The following SMAD2 variants were observed in gnomAD, a reference collection of about 807,000 sequenced individuals.
SMAD2 encodes the protein MAD homolog 2.
SMAD2 carries 8 observed loss-of-function variants against 64.4 expected under a neutral mutation model. The observed-to-expected ratio is 0.12, with a 90% CI of 0.07 to 0.22. SMAD2 has a LOEUF of 0.22. SMAD2 is among the 10% of genes least tolerant of loss of function. The probability of loss-of-function intolerance (pLI) is 1.00; values close to 1 mark genes in which losing one functional copy is unlikely to be tolerated. For missense variants in SMAD2, 289 were observed against 561.2 expected, an observed-to-expected ratio of 0.51 and a Z score of 4.90; for synonymous variants, 203 against 195.8, an observed-to-expected ratio of 1.04 and a Z score of -0.31.
intron 1 of SMAD2, among the ~76,000 whole-genome samples, chr18:47,903,987 T>C (rs138657149): frequency 2.7e-4 from 40 of 148,130 alleles, no homozygotes; most frequent in African/African-American, 1.0e-3. Context: ...GAAGAGATAA[T>C]GGCCATAAAC....
At position 47,908,731 on chromosome 18, in the gene SMAD2, T is replaced by C. The variant is rs373538333; in HGVS notation, c.-53-11922A>G. Among the ~76,000 whole-genome samples, 27 of 152,342 alleles carry C rather than the reference T, an allele frequency of 1.8e-4. No homozygotes were observed. In the East Asian group the frequency reaches 4.6e-3, roughly 26 times the overall value. On this transcript the variant is annotated intron_variant, in intron 1 of 10. Coordinates refer to ENST00000262160, the MANE Select transcript of SMAD2 (RefSeq NM_005901.6). The stretch of plus-strand genomic sequence containing the variant: ...ATTTCATCGCCACCTCCTGTTGCTA[T>C]CACGGTGAGCGGAAGTGTTGCGAGT...
In SMAD2 at chr18:47,857,006, C is replaced by T. The variant is rs375486934; in HGVS notation, c.731-5679G>A. Among the ~76,000 whole-genome samples the T allele has an allele frequency of 1.2e-3, 185 of 151,536 alleles. 1 individual carries two copies. Among genetic ancestry groups the T allele is most frequent in the African/African-American group, 4.2e-3 (172 of 41,378 alleles). Reference sequence around the variant, plus strand: ...CCAAGTAGCTGGGACTACAGGCGCCCGCCACTACGCCCGGCTAATTTTTTG... The same window carrying T: ...CCAAGTAGCTGGGACTACAGGCGCCTGCCACTACGCCCGGCTAATTTTTTG... On this transcript the variant is annotated intron_variant, in intron 6 of 10. Coordinates refer to ENST00000262160, the MANE Select transcript of SMAD2 (RefSeq NM_005901.6).
chr18:47,848,796 C>T (rs1914788403), intron 7 of SMAD2, 109 bp from the exon 8 acceptor site: 10 of 761,326 alleles, frequency 1.3e-5, no homozygotes, highest in Non-Finnish European at 2.0e-5. Flanking sequence ...CCAGCCTGCA[C>T]TGGCAAAAGC....
intron 1 of SMAD2, among the ~76,000 whole-genome samples, chr18:47,930,054 A>G (rs896358514): frequency 6.6e-6 from 1 of 152,192 alleles, no homozygotes; most frequent in Admixed American, 6.5e-5. Flanking sequence ...CTCCTGAAAC[A>G]AGAGCTCTGG....
chr18:47,916,143 G>T (rs1029619965), intron 1 of SMAD2, among the ~76,000 whole-genome samples: 1 of 152,054 alleles, frequency 6.6e-6, no homozygotes, highest in Admixed American at 6.6e-5. Flanking sequence ...TTTTTGTTTT[G>T]AGTAAATACT....
rs1379360018 is a variant in SMAD2, at chr18:47,811,764, AAATTAAT to A, written c.*30056_*30062del. 8 of 152,208 alleles carry A rather than the reference AAATTAAT, an allele frequency of 5.3e-5. No homozygotes were observed. Among genetic ancestry groups the A allele is most frequent in the Non-Finnish European group, 5.9e-5 (4 of 68,050 alleles). 9.4% of individuals were successfully genotyped at this position (152,208 alleles called of 1,614,324 possible). ...ATGCATTTCAAGGAAAACAACTTAA[AAATTAAT>A]GAGCTCTCAGGAAAAGATGGCATCA... is the stretch of plus-strand genomic sequence containing the variant. On this transcript the variant is annotated 3_prime_UTR_variant, in exon 11 of 11. Transcript: ENST00000262160.
At chr18:47,914,332 C>T (rs1296623629) in intron 1 of SMAD2, among the ~76,000 whole-genome samples, 2 of 152,094 alleles carry the variant, frequency 1.3e-5, no homozygotes, top group Admixed American at 1.3e-4. Context: ...TCTTGCTGTG[C>T]CTCTAAATAT....
chr18:47,836,913 T>C lies in SMAD2; in HGVS notation c.*4914A>G, dbSNP rs957094877. The C allele has an allele frequency of 4.7e-6, 1 of 210,624 alleles. No homozygotes were observed. Among genetic ancestry groups the C allele is most frequent in the East Asian group, 7.1e-5 (1 of 14,102 alleles). 13.0% of individuals were successfully genotyped at this position (210,624 alleles called of 1,614,324 possible). The stretch of plus-strand genomic sequence containing the variant: ...GGTAATAAAAAATTGAAAAGGAAGA[T>C]ATAAAAAGAACTCAATAGCAGGATT... On this transcript the variant is annotated 3_prime_UTR_variant, in exon 11 of 11. Coordinates refer to ENST00000262160, the MANE Select transcript of SMAD2 (RefSeq NM_005901.6).
In SMAD2 at chr18:47,915,191, C is replaced by T. The variant is rs576455475; in HGVS notation, c.-54+15170G>A. Among the ~76,000 whole-genome samples the T allele has an allele frequency of 3.3e-5, 5 of 152,288 alleles. No homozygotes were observed. In the South Asian group the frequency reaches 1.0e-3, roughly 32 times the overall value. On this transcript the variant is annotated intron_variant, in intron 1 of 10. Transcript: ENST00000262160. ...CAGCTAAAGCCCCCTATGTATTCCT[C>T]TTTGATAACATTTCCCTCCCTCTTG...
At chr18:47,859,304 A>ATTTTAAAAAATC (rs2030981136) in intron 6 of SMAD2, among the ~76,000 whole-genome samples, 1 of 152,174 alleles carries the variant, frequency 6.6e-6, no homozygotes, top group African/African-American at 2.4e-5. Flanking sequence ...AATCATAAAG[A>ATTTTAAAAAATC]ATTAAGAAGA....
At chr18:47,842,304 G>A (rs1914033686) in intron 10 of SMAD2, among the ~76,000 whole-genome samples, 1 of 152,194 alleles carries the variant, frequency 6.6e-6, no homozygotes, top group African/African-American at 2.4e-5. Flanking sequence ...CACTTTGGGA[G>A]GCCGAGGCAG....
rs367795224 is a variant in SMAD2, at chr18:47,913,524, A to G, written c.-53-16715T>C. The stretch of plus-strand genomic sequence containing the variant: ...GCTGACATCTGTCTAATATCTCCGG[A>G]GAATTTTTAAATTATGTAATAAAAT... On this transcript the variant is annotated intron_variant, in intron 1 of 10. Transcript: ENST00000262160. Among the ~76,000 whole-genome samples the G allele has an allele frequency of 6.6e-5, 10 of 152,226 alleles. No homozygotes were observed. In the East Asian group the frequency reaches 1.7e-3, roughly 26 times the overall value.
intron 1 of SMAD2, among the ~76,000 whole-genome samples, chr18:47,914,955 TATTA>T (rs943083952): frequency 6.6e-6 from 1 of 152,192 alleles, no homozygotes; most frequent in African/African-American, 2.4e-5. Flanking sequence ...TCCATTTATT[TATTA>T]TCTATTGATA....
rs930640899 is a variant in SMAD2, at chr18:47,834,211, C to T, written c.*7616G>A. Reference sequence around the variant, plus strand: ...GAAGTAAGGATAAATCACAAGAACACCTAAGGTGGTCAGCTCCTTCTGGTG... The same window carrying T: ...GAAGTAAGGATAAATCACAAGAACATCTAAGGTGGTCAGCTCCTTCTGGTG... On this transcript the variant is annotated 3_prime_UTR_variant, in exon 11 of 11. Coordinates refer to ENST00000262160, the MANE Select transcript of SMAD2 (RefSeq NM_005901.6). 3 of 211,416 alleles carry T rather than the reference C, an allele frequency of 1.4e-5. No homozygotes were observed. Among genetic ancestry groups the T allele is most frequent in the African/African-American group, 4.5e-5 (2 of 44,070 alleles). The allele number at this position is 211,416 out of a possible 1,614,324, so 13.1% of individuals were successfully genotyped here. A position where few individuals can be genotyped will look rare whatever the true frequency, so the allele number is the denominator to read the frequency against.
At position 47,921,630 on chromosome 18, in the gene SMAD2, A is replaced by G. The variant is rs1022002575; in HGVS notation, c.-54+8731T>C. Among the ~76,000 whole-genome samples, 4 of 152,170 alleles carry G rather than the reference A, an allele frequency of 2.6e-5. No individual in the cohort carries two copies. The East Asian group carries it at 5.8e-4, about 22-fold the overall frequency. On this transcript the variant is annotated intron_variant, in intron 1 of 10. Coordinates refer to ENST00000262160, the MANE Select transcript of SMAD2 (RefSeq NM_005901.6). ...AAGCCCCAGATGTTTCAATGATACCAGAACACTTTTCATTTTTTAATTTTT... is the reference window on the plus strand; with the variant it reads ...AAGCCCCAGATGTTTCAATGATACCGGAACACTTTTCATTTTTTAATTTTT...
At position 47,823,795 on chromosome 18, in the gene SMAD2, G is replaced by C. The variant is rs1912654551; in HGVS notation, c.*18032C>G. 6.6e-6 allele frequency: 1 copy of C among 152,220 alleles called. No homozygotes were observed. Among genetic ancestry groups the C allele is most frequent in the Non-Finnish European group, 1.5e-5 (1 of 68,040 alleles). The allele number at this position is 152,220 out of a possible 1,614,324, so 9.4% of individuals were successfully genotyped here. ...CAAAACCATTATGCAAACTGGGATT[G>C]TCACATTACTATTAATTTTGTGTAT... is the stretch of plus-strand genomic sequence containing the variant. On this transcript the variant is annotated 3_prime_UTR_variant, in exon 11 of 11. Coordinates refer to ENST00000262160, the MANE Select transcript of SMAD2 (RefSeq NM_005901.6).
chr18:47,878,878 A>G (rs1039930235), intron 2 of SMAD2, among the ~76,000 whole-genome samples: 2 of 152,184 alleles, frequency 1.3e-5, no homozygotes, highest in African/African-American at 4.8e-5. Context: ...TCATGTATCT[A>G]CTTAACCTCT....
At chr18:47,906,379 A>C (rs546466189) in intron 1 of SMAD2, among the ~76,000 whole-genome samples, 2 of 152,356 alleles carry the variant, frequency 1.3e-5, no homozygotes, top group African/African-American at 4.8e-5. Flanking sequence ...AAATTTAAAA[A>C]TCACACAAAA....
chr18:47,921,938 G>C (rs2034577916), intron 1 of SMAD2, among the ~76,000 whole-genome samples: 1 of 152,196 alleles, frequency 6.6e-6, no homozygotes, highest in Non-Finnish European at 1.5e-5. Context: ...GATAAAGACA[G>C]TATAAACAAT....
Sources: gnomAD v4.1 joint callset for allele counts (sites outside exome capture counted in the v4.1 genomes callset) on GRCh38, gnomAD v4.1.1 for gene constraint, MANE v1.5 for transcripts, NCBI Gene and HGNC (gene_info 2026-07-23, HGNC 2026-07-21) for gene names.